Variants in DLGAP1 observed in about 807,000 individuals in gnomAD.
The protein encoded by DLGAP1 is disks large-associated protein 1.
Under a neutral mutation model 90.8 loss-of-function variants are expected in DLGAP1, and 11 were observed. That is an observed-to-expected ratio of 0.12 (90% CI 0.08 to 0.20). The LOEUF is 0.20. DLGAP1 is among the 10% of genes least tolerant of loss of function. DLGAP1 has a pLI of 1.00. For synonymous variants in DLGAP1, 558 were observed against 540.7 expected (o/e 1.03, Z -0.44); for missense variants, 1,050 against 1,333.8 (o/e 0.79, Z 3.31).
intron 1 of DLGAP1, among the ~76,000 whole-genome samples, chr18:4,199,221 G>T (rs990899353): frequency 7.2e-5 from 11 of 152,208 alleles, no homozygotes; most frequent in Non-Finnish European, 1.5e-4. Context: ...CTGGAGGAGG[G>T]TGGGCCTCCC....
intron 3 of DLGAP1, among the ~76,000 whole-genome samples, chr18:3,898,939 T>C (rs2071721364): frequency 6.6e-6 from 1 of 152,142 alleles, no homozygotes. Context: ...TAAAGGATTC[T>C]AGCAATTTGG....
intron 4 of DLGAP1, among the ~76,000 whole-genome samples, chr18:3,817,495 T>A (rs1345424367): frequency 6.6e-6 from 1 of 152,160 alleles, no homozygotes; most frequent in Non-Finnish European, 1.5e-5. Flanking sequence ...TACAACAAGA[T>A]TACACATAAA....
intron 3 of DLGAP1, among the ~76,000 whole-genome samples, chr18:3,926,860 G>C (rs1182886128): frequency 6.6e-6 from 1 of 152,030 alleles, no homozygotes; most frequent in Non-Finnish European, 1.5e-5. Flanking sequence ...TTTCTTCCAG[G>C]GCTGGGGCTG....
At chr18:4,368,389 A>C (rs987152810) in intron 1 of DLGAP1, among the ~76,000 whole-genome samples, 1 of 152,172 alleles carries the variant, frequency 6.6e-6, no homozygotes, top group Non-Finnish European at 1.5e-5. Context: ...AGTTTAAATC[A>C]GTAGACACTG....
intron 4 of DLGAP1, among the ~76,000 whole-genome samples, chr18:3,866,215 A>ACTGCTG (rs140285643): frequency 6.6e-6 from 1 of 152,092 alleles, no homozygotes; most frequent in African/African-American, 2.4e-5. Context: ...TGCAGTCTGG[A>ACTGCTG]CTGCTGCTGC....
rs77272693 is a variant in DLGAP1 at position 3,927,954 on chromosome 18, T to A, written c.-72-47814A>T. 2.9e-3 allele frequency among the ~76,000 whole-genome samples: 449 copies of A among 152,286 alleles called. 2 individuals carry two copies. The highest frequency in any genetic ancestry group is 5.0e-3 in the South Asian group (24 of 4,822). On this transcript the variant is annotated intron_variant, in intron 3 of 12. Coordinates refer to ENST00000315677, the MANE Select transcript of DLGAP1 (RefSeq NM_004746.4). The stretch of plus-strand genomic sequence containing the variant: ...TTTTTACAAAGCTGAGATGATCTGA[T>A]ATGCATACCAGTCATGTTAACCAAA...
intron 4 of DLGAP1, among the ~76,000 whole-genome samples, chr18:3,867,423 G>A (rs1438107824): frequency 6.6e-6 from 1 of 152,172 alleles, no homozygotes; most frequent in Non-Finnish European, 1.5e-5. Context: ...GTACTGGGGA[G>A]GGGAAAGTAT....
At chr18:3,668,716 G>A (rs2059969436) in intron 7 of DLGAP1, among the ~76,000 whole-genome samples, 1 of 152,170 alleles carries the variant, frequency 6.6e-6, no homozygotes, top group African/African-American at 2.4e-5. Flanking sequence ...TAGAATGCTT[G>A]GCCCAGTGCA....
At chr18:4,024,648 G>T (rs1294342987) in intron 2 of DLGAP1, among the ~76,000 whole-genome samples, 1 of 152,184 alleles carries the variant, frequency 6.6e-6, no homozygotes, top group Non-Finnish European at 1.5e-5. Context: ...CAGAAAGGGG[G>T]GAGAAATATT....
intron 7 of DLGAP1, among the ~76,000 whole-genome samples, chr18:3,586,296 C>T (rs559362660): frequency 6.6e-6 from 1 of 152,104 alleles, no homozygotes; most frequent in South Asian, 2.1e-4. Flanking sequence ...TATTATGAGG[C>T]TTAAGGAAAG....
At chr18:4,033,228 G>T (rs1434894331) in intron 2 of DLGAP1, among the ~76,000 whole-genome samples, 3 of 151,592 alleles carry the variant, frequency 2.0e-5, no homozygotes, top group Non-Finnish European at 4.4e-5. Context: ...AAACAGTTCA[G>T]ATAAGGCTAA....
chr18:3,935,012 C>A (rs2072602370), intron 3 of DLGAP1, among the ~76,000 whole-genome samples: 2 of 152,154 alleles, frequency 1.3e-5, no homozygotes, highest in East Asian at 1.9e-4. Context: ...TTTTTTAAAT[C>A]TTTGGAACTG....
At chr18:3,806,656 T>C (rs1473339106) in intron 5 of DLGAP1, among the ~76,000 whole-genome samples, 1 of 152,212 alleles carries the variant, frequency 6.6e-6, no homozygotes, top group African/African-American at 2.4e-5. Context: ...ATTGAATAAA[T>C]GGCAGGTGGC....
chr18:4,067,447 AT>A (rs1263359263), intron 2 of DLGAP1, among the ~76,000 whole-genome samples: 4 of 152,094 alleles, frequency 2.6e-5, no homozygotes, highest in African/African-American at 7.2e-5. Flanking sequence ...GACATACCTC[AT>A]TATATACTTC....
chr18:4,452,649 C>T lies in DLGAP1; in HGVS notation c.-267+2357G>A, dbSNP rs7244874. Among the ~76,000 whole-genome samples the T allele has an allele frequency of 3.3e-5, 5 of 152,036 alleles. No homozygotes were observed. In the East Asian group the frequency reaches 9.7e-4, roughly 29 times the overall value. On this transcript the variant is annotated intron_variant, in intron 1 of 12. Coordinates refer to ENST00000315677, the MANE Select transcript of DLGAP1 (RefSeq NM_004746.4). ...TAGTTTTAGGCTATTTCTCTATATG[C>T]GCTACATAATATTTTGGAAGGAAGG... is the stretch of plus-strand genomic sequence containing the variant.
chr18:3,551,574 ACTTTT>A lies in DLGAP1; in HGVS notation c.2057+15911_2057+15915del, dbSNP rs940257199. On this transcript the variant is annotated intron_variant, in intron 9 of 12. Coordinates refer to ENST00000315677, the MANE Select transcript of DLGAP1 (RefSeq NM_004746.4). ...CAGTTCCACTATTATTTCTATGAACACTTTTCTTTTCTTTCTTTCTTTTTCTTTTT... is the reference window on the plus strand; with the variant it reads ...CAGTTCCACTATTATTTCTATGAACACTTTTCTTTCTTTCTTTTTCTTTTT... 1.4e-3 allele frequency among the ~76,000 whole-genome samples: 208 copies of A among 151,446 alleles called. 1 individual carries two copies. Among genetic ancestry groups the A allele is most frequent in the Non-Finnish European group, 2.6e-3 (178 of 67,620 alleles).
At chr18:4,340,478 A>C (rs2081165972) in intron 1 of DLGAP1, among the ~76,000 whole-genome samples, 1 of 152,220 alleles carries the variant, frequency 6.6e-6, no homozygotes, top group Non-Finnish European at 1.5e-5. Context: ...GGAAGCATGG[A>C]TAAGGGGATT....
At chr18:3,545,042 G>C (rs1777828623) in intron 9 of DLGAP1, among the ~76,000 whole-genome samples, 1 of 152,090 alleles carries the variant, frequency 6.6e-6, no homozygotes, top group Admixed American at 6.6e-5. Flanking sequence ...GCCGAGGTGG[G>C]CAGATCACTT....
At chr18:4,282,363 CAA>C (rs10710132) in intron 1 of DLGAP1, among the ~76,000 whole-genome samples, 4,311 of 99,070 alleles carry the variant, frequency 0.044, 197 homozygotes, top group African/African-American at 0.13. Context: ...GACTCTGTCT[CAA>C]AAAAAAAAAA....
Sources: allele counts gnomAD v4.1 joint callset (sites outside exome capture counted in the v4.1 genomes callset), GRCh38; gene constraint gnomAD v4.1.1; transcripts MANE v1.5; gene names NCBI Gene and HGNC (gene_info 2026-07-23, HGNC 2026-07-21).